SLC25A36: variants seen among roughly 807,000 people sequenced by gnomAD.
The protein encoded by SLC25A36 is solute carrier family 25 member 36.
A neutral mutation model predicts 35.3 loss-of-function variants in SLC25A36; 24 were observed. That is an observed-to-expected ratio of 0.68 (90% CI 0.49 to 0.96). The LOEUF (loss-of-function observed/expected upper bound fraction) is 0.96, where lower values mean the gene tolerates loss of function less well. Ranked by LOEUF, SLC25A36 falls within the 40% of genes least tolerant of loss-of-function variation. The probability of loss-of-function intolerance (pLI) is 0.00; values close to 1 mark genes in which losing one functional copy is unlikely to be tolerated. For synonymous variants in SLC25A36, 141 were observed against 132.2 expected (o/e 1.07, Z -0.46); for missense variants, 294 against 381.1 (o/e 0.77, Z 1.90).
In SLC25A36 at chr3:140,977,546, C is replaced by G. The variant is rs575691469; in HGVS notation, c.*1093C>G. 1 of 152,246 alleles carries G rather than the reference C, an allele frequency of 6.6e-6. No individual in the cohort carries two copies. Among genetic ancestry groups the G allele is most frequent in the African/African-American group, 2.4e-5 (1 of 41,548 alleles). 9.4% of individuals were successfully genotyped at this position (152,246 alleles called of 1,614,324 possible). ...TAGTTTTGTGTAAATGAACAAACTG[C>G]TTTTGACAAGAAATTTATTCTGTCC... On this transcript the variant is annotated 3_prime_UTR_variant, in exon 7 of 7. Coordinates refer to ENST00000324194, the MANE Select transcript of SLC25A36 (RefSeq NM_001104647.3).
In SLC25A36 at chr3:140,980,951, G is replaced by A. The variant is rs1212994785; in HGVS notation, c.*4498G>A. 6.6e-6 allele frequency among the ~76,000 whole-genome samples: 1 copy of A among 152,106 alleles called. No homozygotes were observed. Among genetic ancestry groups the A allele is most frequent in the Non-Finnish European group, 1.5e-5 (1 of 68,026 alleles). ...AGTGGTGTCATGTGATTTCTTAATA[G>A]CCTATAGATCCAATAAATACAGAGG... On this transcript the variant is annotated 3_prime_UTR_variant, in exon 7 of 7. Coordinates refer to ENST00000324194, the MANE Select transcript of SLC25A36 (RefSeq NM_001104647.3).
At chr3:140,967,168 C>G in intron 4 of SLC25A36, 1 of 419,670 alleles carries the variant, frequency 2.4e-6, no homozygotes, top group Non-Finnish European at 4.8e-6. Flanking sequence ...ATTGCTAAGT[C>G]TGATTCCTTT....
chr3:140,979,703 T>G lies in SLC25A36; in HGVS notation c.*3250T>G, dbSNP rs556647321. Reference sequence around the variant, plus strand: ...AACAAAATTCTGGTTTGACTCAGTTTTTGTGTTTATAAACTTTTGGAATGT... The same window carrying G: ...AACAAAATTCTGGTTTGACTCAGTTGTTGTGTTTATAAACTTTTGGAATGT... On this transcript the variant is annotated 3_prime_UTR_variant, in exon 7 of 7. Transcript: ENST00000324194. 1.1e-4 allele frequency: 16 copies of G among 152,300 alleles called. No individual in the cohort carries two copies. Among genetic ancestry groups the G allele is most frequent in the African/African-American group, 3.8e-4 (16 of 41,572 alleles). 9.4% of individuals were successfully genotyped at this position (152,300 alleles called of 1,614,324 possible).
rs956649700 is a variant in SLC25A36, at chr3:140,980,935, A to G, written c.*4482A>G. On this transcript the variant is annotated 3_prime_UTR_variant, in exon 7 of 7. Coordinates refer to ENST00000324194, the MANE Select transcript of SLC25A36 (RefSeq NM_001104647.3). Reference sequence around the variant, plus strand: ...AGTGCTGTGTTTATACAGTGGTGTCATGTGATTTCTTAATAGCCTATAGAT... The same window carrying G: ...AGTGCTGTGTTTATACAGTGGTGTCGTGTGATTTCTTAATAGCCTATAGAT... Among the ~76,000 whole-genome samples, 4 of 152,256 alleles carry G rather than the reference A, an allele frequency of 2.6e-5. No individual in the cohort carries two copies. The highest frequency in any genetic ancestry group is 9.6e-5 in the African/African-American group (4 of 41,562).
chr3:140,968,564 T>C (rs1385007234), intron 4 of SLC25A36: 1 of 930,128 alleles, frequency 1.1e-6, no homozygotes, highest in Non-Finnish European at 1.3e-6. Flanking sequence ...TATAGTAATA[T>C]GTACAGAGAA....
intron 1 of SLC25A36, among the ~76,000 whole-genome samples, chr3:140,943,956 C>A (rs953801903): frequency 6.7e-6 from 1 of 148,866 alleles, no homozygotes; most frequent in African/African-American, 2.6e-5. Context: ...GCTCCATCCC[C>A]TCCCCCCCAG....
At chr3:140,960,568 G>A (rs1422390052) in intron 3 of SLC25A36, among the ~76,000 whole-genome samples, 2 of 152,186 alleles carry the variant, frequency 1.3e-5, no homozygotes, top group African/African-American at 2.4e-5. Context: ...AAAAACCTGA[G>A]AATTTGTGTA....
intron 1 of SLC25A36, chr3:140,942,456 G>T (rs1195739730): frequency 5.3e-6 from 1 of 187,426 alleles, no homozygotes; most frequent in Non-Finnish European, 1.1e-5. Flanking sequence ...AGCTGGGGTC[G>T]GCGCTTGATT....
chr3:140,942,824 G>C (rs1235520687), intron 1 of SLC25A36: 1 of 152,208 alleles, frequency 6.6e-6, no homozygotes, highest in Non-Finnish European at 1.5e-5. Context: ...AAAATTTCTT[G>C]CCCGAGGTTT....
chr3:140,970,993 G>A lies in SLC25A36; in HGVS notation c.452G>A (p.Arg151Lys). ...LIKTRLQLDA[R>K]NRGERRMGAF... ...AAGACTCGGTTACAGCTTGATGCAAGGTATGTTAATTCCTTAAAATAAAAT... is the reference window on the plus strand; with the variant it reads ...AAGACTCGGTTACAGCTTGATGCAAAGTATGTTAATTCCTTAAAATAAAAT... Residue 151 changes from arginine (R) to lysine (K), a missense_variant and splice_region_variant, in exon 5 of 7, where the codon AGG (arginine) becomes AAG (lysine). Transcript: ENST00000324194. 1 of 1,372,238 alleles carries A rather than the reference G, an allele frequency of 7.3e-7. No homozygotes were observed. The highest frequency in any genetic ancestry group is 1.0e-6 in the Non-Finnish European group (1 of 962,718). 85.0% of individuals were successfully genotyped at this position (1,372,238 alleles called of 1,614,324 possible). A position where few individuals can be genotyped will look rare whatever the true frequency, so the allele number is the denominator to read the frequency against.
rs867125812 is a variant in SLC25A36, at chr3:140,959,486, C to A, written c.230C>A (p.Pro77His). Residue 77 changes from proline to histidine, a missense_variant, in exon 3 of 7, where the codon CCT becomes CAT. Pro to His is a moderately conservative substitution (Grantham distance 77, BLOSUM62 -2). Transcript: ENST00000324194. Reference sequence around the variant, plus strand: ...AGGGTGATCTTGGAAAAAGAAGGGCCTCGTTCCTTGTTTAGAGGACTAGGC... The same window carrying A: ...AGGGTGATCTTGGAAAAAGAAGGGCATCGTTCCTTGTTTAGAGGACTAGGC... ...CLKVILEKEGPRSLFRGLGPN... is the reference protein window; with the variant it reads ...CLKVILEKEGHRSLFRGLGPN... 1 of 1,520,542 alleles carries A rather than the reference C, an allele frequency of 6.6e-7. No individual in the cohort carries two copies. Among genetic ancestry groups the A allele is most frequent in the Admixed American group, 2.5e-5 (1 of 40,320 alleles). The allele number at this position is 1,520,542 out of a possible 1,614,324, so 94.2% of individuals were successfully genotyped here.
intron 2 of SLC25A36, among the ~76,000 whole-genome samples, chr3:140,958,631 A>AT (rs1934541643): frequency 6.6e-6 from 1 of 152,174 alleles, no homozygotes; most frequent in South Asian, 2.1e-4. Context: ...AGGGTGATAG[A>AT]TTCTGCTACA....
chr3:140,963,282 A>G lies in SLC25A36; in HGVS notation c.385+55A>G, dbSNP rs764385575. The G allele has an allele frequency of 1.2e-5, 13 of 1,040,214 alleles. No homozygotes were observed. The East Asian group carries it at 3.6e-4, about 29-fold the overall frequency. 64.4% of individuals were successfully genotyped at this position (1,040,214 alleles called of 1,614,324 possible). On this transcript the variant is annotated intron_variant, in intron 4 of 6. Coordinates refer to ENST00000324194, the MANE Select transcript of SLC25A36 (RefSeq NM_001104647.3). ...AAACTTTCTGAAACCTAGAGGCTTAATATTGAATTATAAGTTTGTAGTGAA... is the reference window on the plus strand; with the variant it reads ...AAACTTTCTGAAACCTAGAGGCTTAGTATTGAATTATAAGTTTGTAGTGAA...
Position 140,976,379 on chromosome 3 carries a change from C to G in SLC25A36, c.862C>G (p.Leu288Val). ...GSLYRGLTTHLVRQIPNTAIM... is the reference protein window; with the variant it reads ...GSLYRGLTTHVVRQIPNTAIM... Reference sequence around the variant, plus strand: ...TCTTTATCGTGGTCTGACAACTCATCTAGTGAGACAGATTCCAAACACAGC... The same window carrying G: ...TCTTTATCGTGGTCTGACAACTCATGTAGTGAGACAGATTCCAAACACAGC... Residue 288 changes from leucine to valine, a missense_variant, in exon 7 of 7, where the codon CTA becomes GTA. Physicochemically the swap from Leu to Val is conservative, Grantham distance 32 (BLOSUM62 1). This residue lies in a region of SLC25A36 where 109 missense variants were observed against 179.7 expected (regional missense o/e 0.61). Transcript: ENST00000324194. 1 of 1,613,874 alleles carries G rather than the reference C, an allele frequency of 6.2e-7. No individual in the cohort carries two copies. Among genetic ancestry groups the G allele is most frequent in the Non-Finnish European group, 8.5e-7 (1 of 1,179,926 alleles).
At chr3:140,961,882 AAAAG>A in intron 3 of SLC25A36, among the ~76,000 whole-genome samples, 1 of 147,726 alleles carries the variant, frequency 6.8e-6, no homozygotes, top group Non-Finnish European at 1.5e-5. Flanking sequence ...AAAAAAAAAA[AAAAG>A]GCATACTGGA....
chr3:140,950,805 C>G (rs1934298349), intron 1 of SLC25A36, among the ~76,000 whole-genome samples: 1 of 152,030 alleles, frequency 6.6e-6, no homozygotes, highest in Non-Finnish European at 1.5e-5. Context: ...TTTGTTCCTG[C>G]TAAACCTAAG....
intron 5 of SLC25A36, 125 bp downstream of exon 5, chr3:140,971,118 T>G: frequency 1.8e-6 from 1 of 549,600 alleles, no homozygotes; most frequent in Non-Finnish European, 3.4e-6. Flanking sequence ...AACTTGGGTC[T>G]GCCATCAGAA....
chr3:140,958,826 T>C (rs950175061), intron 2 of SLC25A36, among the ~76,000 whole-genome samples: 1 of 152,136 alleles, frequency 6.6e-6, no homozygotes, highest in African/African-American at 2.4e-5. Context: ...CATGATCATA[T>C]GAAAATAATG....
intron 3 of SLC25A36, among the ~76,000 whole-genome samples, chr3:140,960,386 C>T (rs145484474): frequency 6.6e-6 from 1 of 152,148 alleles, no homozygotes; most frequent in Non-Finnish European, 1.5e-5. Flanking sequence ...GATATCTCGA[C>T]TTTTTCTGCT....
Sources: allele counts gnomAD v4.1 joint callset (sites outside exome capture counted in the v4.1 genomes callset), GRCh38; gene constraint gnomAD v4.1.1; regional missense constraint gnomAD v4.1.1; transcripts MANE v1.5; gene names NCBI Gene and HGNC (gene_info 2026-07-23, HGNC 2026-07-21).